The following FMNL1 variants were observed in gnomAD, a reference collection of about 807,000 sequenced individuals.
FMNL1 encodes formin like 1, also known as formin-like protein 1.
Under a neutral mutation model 121.3 loss-of-function variants are expected in FMNL1, and 43 were observed. That is an observed-to-expected ratio of 0.35 (90% CI 0.28 to 0.46). The LOEUF (loss-of-function observed/expected upper bound fraction) is 0.46. FMNL1 is among the 20% of genes least tolerant of loss of function. The probability of loss-of-function intolerance (pLI) is 1.00; values close to 1 mark genes in which losing one functional copy is unlikely to be tolerated. For synonymous variants in FMNL1, 613 were observed against 613.5 expected (o/e 1.00, Z 0.01); for missense variants, 1,191 against 1,482.4 (o/e 0.80, Z 3.23).
At chr17:45,227,471 G>A (rs1044603341) in intron 1 of FMNL1, among the ~76,000 whole-genome samples, 2 of 152,268 alleles carry the variant, frequency 1.3e-5, no homozygotes, top group East Asian at 3.9e-4. Context: ...ATAGAAAGAT[G>A]TGGGGAATCA....
intron 10 of FMNL1, 44 bp from the exon 11 acceptor site, chr17:45,238,911 C>G: frequency 6.5e-7 from 1 of 1,537,706 alleles, no homozygotes; most frequent in Non-Finnish European, 9.0e-7. Flanking sequence ...ATTGAGCAAC[C>G]CCACCTAGAG....
rs1166056436 is a variant in FMNL1, at chr17:45,237,232, A to C, written c.724-49A>C. ...AGATCCACGTGGCGTGGGTGCCTGA[A>C]GTCCTGGGGGGCCCTTCCTGGAGAC... is the stretch of plus-strand genomic sequence containing the variant. On this transcript the variant is annotated intron_variant, in intron 7 of 26. Coordinates refer to ENST00000331495, the MANE Select transcript of FMNL1 (RefSeq NM_005892.4). The surrounding 1 kb of genome is among the most constrained non-coding windows in gnomAD (Gnocchi z 4.4). 2 of 1,587,934 alleles carry C rather than the reference A, an allele frequency of 1.3e-6. No individual in the cohort carries two copies. The highest frequency in any genetic ancestry group is 1.1e-5 in the South Asian group (1 of 90,420).
rs755876570 is a variant in FMNL1 at position 45,241,837 on chromosome 17, G to A, written c.1586-10G>A. 9.2e-6 allele frequency: 13 copies of A among 1,419,962 alleles called. No individual in the cohort carries two copies. In the South Asian group the frequency reaches 1.0e-4, roughly 11 times the overall value. The allele number at this position is 1,419,962 out of a possible 1,614,324, so 88.0% of individuals were successfully genotyped here. On this transcript the variant is annotated splice_polypyrimidine_tract_variant and intron_variant, in intron 14 of 26. Coordinates refer to ENST00000331495, the MANE Select transcript of FMNL1 (RefSeq NM_005892.4). The surrounding 1 kb of genome is among the most constrained non-coding windows in gnomAD (Gnocchi z 7.0). ...CGCGCCTCCCCCACGCCGCGCCCTCGCTGGCTCAGATCTCGCACCTGCAGC... is the reference window on the plus strand; with the variant it reads ...CGCGCCTCCCCCACGCCGCGCCCTCACTGGCTCAGATCTCGCACCTGCAGC...
In FMNL1 at chr17:45,230,309, G is replaced by A. The variant is rs1027207043; in HGVS notation, c.130-295G>A. Reference sequence around the variant, plus strand: ...CCAGAGAGGTAGGCTGACAACCCACGCTCCTGCCTGCACACCAGGCAGGCC... The same window carrying A: ...CCAGAGAGGTAGGCTGACAACCCACACTCCTGCCTGCACACCAGGCAGGCC... On this transcript the variant is annotated intron_variant, in intron 1 of 26. Coordinates refer to ENST00000331495, the MANE Select transcript of FMNL1 (RefSeq NM_005892.4). Among the ~76,000 whole-genome samples the A allele has an allele frequency of 5.9e-5, 9 of 152,296 alleles. No homozygotes were observed. In the East Asian group the frequency reaches 7.7e-4, roughly 13 times the overall value.
chr17:45,233,895 C>G lies in FMNL1; in HGVS notation c.485+164C>G, dbSNP rs554335922. Reference sequence around the variant, plus strand: ...ATGCTCCTTCCAGAAGGCCTGCCCCCGACAGGGAGGGGTGGCCTCTCTTCC... The same window carrying G: ...ATGCTCCTTCCAGAAGGCCTGCCCCGGACAGGGAGGGGTGGCCTCTCTTCC... On this transcript the variant is annotated intron_variant, in intron 5 of 26. Coordinates refer to ENST00000331495, the MANE Select transcript of FMNL1 (RefSeq NM_005892.4). This position sits in a 1 kb window ranked among gnomAD's most constrained non-coding sequence, Gnocchi z 4.1. 9 of 1,323,648 alleles carry G rather than the reference C, an allele frequency of 6.8e-6. No individual in the cohort carries two copies. Among genetic ancestry groups the G allele is most frequent in the Non-Finnish European group, 8.2e-6 (8 of 977,742 alleles). 82.0% of individuals were successfully genotyped at this position (1,323,648 alleles called of 1,614,324 possible). A position where few individuals can be genotyped will look rare whatever the true frequency, so the allele number is the denominator to read the frequency against.
At chr17:45,234,295 C>T (rs1485203494) in intron 6 of FMNL1, 95 bp downstream of exon 6, 18 of 1,597,148 alleles carry the variant, frequency 1.1e-5, no homozygotes, top group Middle Eastern at 1.7e-4. Flanking sequence ...TTGGGGTTGG[C>T]GAGAGGGGTA....
chr17:45,221,914 G>T lies in FMNL1; in HGVS notation c.-211G>T. The stretch of plus-strand genomic sequence containing the variant: ...TCCTCCCCCAACCCTGCAGCTCGCC[G>T]CCCGGTCCCACGGACGGGGCCGCCC... On this transcript the variant is annotated 5_prime_UTR_variant, in exon 1 of 27. Coordinates refer to ENST00000331495, the MANE Select transcript of FMNL1 (RefSeq NM_005892.4). 3.0e-6 allele frequency: 1 copy of T among 337,086 alleles called. No homozygotes were observed. The highest frequency in any genetic ancestry group is 4.9e-5 in the Admixed American group (1 of 20,342). 20.9% of individuals were successfully genotyped at this position (337,086 alleles called of 1,614,324 possible). A position where few individuals can be genotyped will look rare whatever the true frequency, so the allele number is the denominator to read the frequency against.
rs2043417340 is a variant in FMNL1 at position 45,230,548 on chromosome 17, C to T, written c.130-56C>T. On this transcript the variant is annotated intron_variant, in intron 1 of 26. Transcript: ENST00000331495. ...GGGTTTCCCCCAAATGCCCATTCTC[C>T]CCTCTCCCCTTGTTGGGGCCCCAGG... 4.5e-6 allele frequency: 7 copies of T among 1,567,582 alleles called. No homozygotes were observed. In the South Asian group the frequency reaches 6.7e-5, roughly 15 times the overall value.
Position 45,241,949 on chromosome 17 carries a change from C to T in FMNL1, c.1688C>T (p.Pro563Leu), listed in dbSNP as rs2043709366. 2 of 1,351,634 alleles carry T rather than the reference C, an allele frequency of 1.5e-6. No individual in the cohort carries two copies. Among genetic ancestry groups the T allele is most frequent in the African/African-American group, 3.1e-5 (2 of 64,546 alleles). The allele number at this position is 1,351,634 out of a possible 1,614,324, so 83.7% of individuals were successfully genotyped here. A position where few individuals can be genotyped will look rare whatever the true frequency, so the allele number is the denominator to read the frequency against. Residue 563 changes from proline (P) to leucine (L), a missense_variant, in exon 15 of 27, where the codon CCA (proline) becomes CTA (leucine). Around this residue, in one of 4 missense-constraint regions of FMNL1, gnomAD observed 519 missense variants for 492.8 expected, o/e 1.05. Coordinates refer to ENST00000331495, the MANE Select transcript of FMNL1 (RefSeq NM_005892.4). This position sits in a 1 kb window ranked among gnomAD's most constrained non-coding sequence, Gnocchi z 7.0. ...CAGGAAGCCCCGCCCTCTGCGCCCC[C>T]ACAGGCCCCGCCTCTCCCTGGCAGC... is the stretch of plus-strand genomic sequence containing the variant. ...SPQEAPPSAP[P>L]QAPPLPGSPE... is the part of the protein sequence containing the mutation.
At position 45,243,365 on chromosome 17, in the gene FMNL1, C is replaced by G. The variant is rs780164955; in HGVS notation, c.2213+45C>G. The G allele has an allele frequency of 1.9e-6, 3 of 1,600,454 alleles. No homozygotes were observed. In the East Asian group the frequency reaches 6.7e-5, roughly 36 times the overall value. On this transcript the variant is annotated intron_variant, in intron 17 of 26. Transcript: ENST00000331495. ...GTTTGTGGGCAGTCCGGCCCCTTTGCTAGGCTGGGGTTGTCAGGCAGATCC... is the reference window on the plus strand; with the variant it reads ...GTTTGTGGGCAGTCCGGCCCCTTTGGTAGGCTGGGGTTGTCAGGCAGATCC...
At chr17:45,240,737 T>C in intron 12 of FMNL1, 112 bp downstream of exon 12, 4 of 1,411,612 alleles carry the variant, frequency 2.8e-6, no homozygotes, top group Non-Finnish European at 2.8e-6. Flanking sequence ...TAATTGTGCA[T>C]TGGAGGTGCT....
intron 17 of FMNL1, among the ~76,000 whole-genome samples, 190 bp downstream of exon 17, chr17:45,243,510 A>C (rs2043757031): frequency 6.6e-6 from 1 of 152,136 alleles, no homozygotes; most frequent in South Asian, 2.1e-4. Flanking sequence ...AGGATGTCCC[A>C]CTTCCTCCCT....
rs111683247 is a variant in FMNL1 at position 45,232,246 on chromosome 17, C to T, written c.214-121C>T. On this transcript the variant is annotated intron_variant, in intron 2 of 26. Coordinates refer to ENST00000331495, the MANE Select transcript of FMNL1 (RefSeq NM_005892.4). ...GTTTATACCTTTGGTATTTCAGAGGCGTCTTAAGAAAGCCTGGGACCTCAG... is the reference window on the plus strand; with the variant it reads ...GTTTATACCTTTGGTATTTCAGAGGTGTCTTAAGAAAGCCTGGGACCTCAG... 1.8e-3 allele frequency: 1,368 copies of T among 778,880 alleles called. 13 individuals are homozygous for T. In the African/African-American group the frequency reaches 0.021, roughly 12 times the overall value. 48.2% of individuals were successfully genotyped at this position (778,880 alleles called of 1,614,324 possible).
In FMNL1 at chr17:45,233,094, G is replaced by A. The variant is rs1598190117; in HGVS notation, c.328-130G>A. 6 of 823,424 alleles carry A rather than the reference G, an allele frequency of 7.3e-6. No individual in the cohort carries two copies. In the East Asian group the frequency reaches 1.6e-4, roughly 22 times the overall value. The allele number at this position is 823,424 out of a possible 1,614,324, so 51.0% of individuals were successfully genotyped here. On this transcript the variant is annotated intron_variant, in intron 3 of 26. Coordinates refer to ENST00000331495, the MANE Select transcript of FMNL1 (RefSeq NM_005892.4). The surrounding 1 kb of genome is among the most constrained non-coding windows in gnomAD (Gnocchi z 4.1). ...GGGCAGGTGTGTGGAGGTGGTGGGG[G>A]AGGCTGAGCATGAAAGGCCACTTGT...
At chr17:45,245,484 G>A in intron 22 of FMNL1, 68 bp downstream of exon 22, 2 of 1,608,044 alleles carry the variant, frequency 1.2e-6, no homozygotes, top group Non-Finnish European at 8.5e-7. Flanking sequence ...GCCTGGAGGG[G>A]TGTGGCCGTA....
intron 1 of FMNL1, among the ~76,000 whole-genome samples, chr17:45,226,187 G>A (rs1175492205): frequency 1.3e-5 from 2 of 152,244 alleles, no homozygotes; most frequent in Non-Finnish European, 2.9e-5. Flanking sequence ...AAACTGCCTG[G>A]TGGCCGGAAA....
At chr17:45,244,729 C>T in intron 19 of FMNL1, 90 bp from the exon 20 acceptor site, 1 of 1,393,836 alleles carries the variant, frequency 7.2e-7, no homozygotes, top group South Asian at 1.3e-5. Flanking sequence ...GGGGCCTGCT[C>T]CTTGCCACCT....
intron 1 of FMNL1, among the ~76,000 whole-genome samples, chr17:45,225,932 C>CAGAT (rs2143187158): frequency 6.6e-6 from 1 of 152,278 alleles, no homozygotes; most frequent in African/African-American, 2.4e-5. Context: ...TGACACAGAG[C>CAGAT]AGATGCTCAG....
chr17:45,235,938 T>C (rs951901897), intron 6 of FMNL1, among the ~76,000 whole-genome samples, 198 bp from the exon 7 acceptor site: 1 of 152,074 alleles, frequency 6.6e-6, no homozygotes, highest in Non-Finnish European at 1.5e-5. Context: ...GTGTCCCCCC[T>C]CCTCCAAGCA....
Sources: allele counts gnomAD v4.1 joint callset (sites outside exome capture counted in the v4.1 genomes callset), GRCh38; gene constraint gnomAD v4.1.1; regional missense constraint gnomAD v4.1.1; non-coding constraint Gnocchi (gnomAD v3.1); transcripts MANE v1.5; gene names NCBI Gene and HGNC (gene_info 2026-07-23, HGNC 2026-07-21).